Variants in LCOR observed in about 807,000 individuals in gnomAD.
LCOR encodes the protein ligand dependent nuclear receptor corepressor.
LCOR carries 14 observed loss-of-function variants against 64.4 expected under a neutral mutation model. That is an observed-to-expected ratio of 0.22 (90% CI 0.14 to 0.34). The LOEUF (loss-of-function observed/expected upper bound fraction) is 0.34. Among genes scored for constraint, LCOR ranks in the 10% least tolerant of loss-of-function variants. The pLI is 1.00. For missense variants in LCOR, 1,686 were observed against 1,765.3 expected (o/e 0.96, Z 0.80); for synonymous variants, 643 against 642.5 (o/e 1.00, Z -0.01).
chr10:96,865,479 TAGG>T (rs1351392450), intron 2 of LCOR, among the ~76,000 whole-genome samples: 26 of 152,146 alleles, frequency 1.7e-4, no homozygotes, highest in Non-Finnish European at 1.8e-4. Context: ...CAAAATCAAA[TAGG>T]AGTGATTTTT....
intron 2 of LCOR, among the ~76,000 whole-genome samples, chr10:96,897,069 G>GAGAGAA (rs537024870): frequency 0.027 from 3,119 of 116,312 alleles, 115 homozygotes; most frequent in African/African-American, 0.11. Flanking sequence ...GAGAGAGAGA[G>GAGAGAA]AGAGAAAGAG....
chr10:96,930,144 T>C (rs946237397), intron 4 of LCOR, among the ~76,000 whole-genome samples: 2 of 152,224 alleles, frequency 1.3e-5, no homozygotes, highest in African/African-American at 4.8e-5. Context: ...CTAGACTTGG[T>C]CGACACAGGG....
intron 6 of LCOR, among the ~76,000 whole-genome samples, chr10:96,950,554 C>T (rs1336160778): frequency 1.3e-5 from 2 of 152,016 alleles, no homozygotes; most frequent in Non-Finnish European, 2.9e-5. Flanking sequence ...TGGAGGTTAA[C>T]ATAAAATGAT....
At chr10:96,887,275 T>TA in intron 2 of LCOR, among the ~76,000 whole-genome samples, 1 of 152,120 alleles carries the variant, frequency 6.6e-6, no homozygotes, top group Admixed American at 6.5e-5. Context: ...ACAGTGAAAA[T>TA]ATACTACTTT....
chr10:96,840,495 AAG>A (rs1164370047), intron 2 of LCOR, among the ~76,000 whole-genome samples: 1 of 152,222 alleles, frequency 6.6e-6, no homozygotes, highest in African/African-American at 2.4e-5. Flanking sequence ...GGTTTGCTAA[AAG>A]AAAAAAATGA....
At chr10:96,855,822 A>G (rs1488907707) in intron 2 of LCOR, among the ~76,000 whole-genome samples, 3 of 150,048 alleles carry the variant, frequency 2.0e-5, no homozygotes, top group African/African-American at 4.9e-5. Context: ...CCTCACCGCA[A>G]CCTCTGCCTT....
At chr10:96,980,233 C>T (rs776623707) in intron 7 of LCOR, among the ~76,000 whole-genome samples, 11 of 151,902 alleles carry the variant, frequency 7.2e-5, no homozygotes, top group Non-Finnish European at 1.2e-4. Flanking sequence ...CACCTCAATT[C>T]TTGTCAGTGT....
At chr10:96,861,124 G>T (rs1403384250) in intron 2 of LCOR, among the ~76,000 whole-genome samples, 2 of 152,152 alleles carry the variant, frequency 1.3e-5, no homozygotes, top group Non-Finnish European at 2.9e-5. Context: ...TAGAAAGTGG[G>T]TATCTTCTTG....
Position 96,957,123 on chromosome 10 carries a change from A to G in LCOR, c.332+4927A>G, listed in dbSNP as rs567524898. On this transcript the variant is annotated intron_variant, in intron 7 of 7. Coordinates refer to ENST00000421806, the MANE Select transcript of LCOR (RefSeq NM_001346516.2). ...TCAAGCTCATTGGAATTCCTTTTTT[A>G]ACTGATCCAAATACTAGTAGAAGGG... 5.0e-4 allele frequency: 492 copies of G among 985,150 alleles called. 3 individuals carry two copies. Among genetic ancestry groups the G allele is most frequent in the South Asian group, 4.7e-3 (100 of 21,284 alleles). The allele number at this position is 985,150 out of a possible 1,614,324, so 61.0% of individuals were successfully genotyped here. A position where few individuals can be genotyped will look rare whatever the true frequency, so the allele number is the denominator to read the frequency against.
chr10:96,920,794 G>GGGAGACAGGATGTTACA (rs1847066745), intron 4 of LCOR, among the ~76,000 whole-genome samples: 1 of 65,282 alleles, frequency 1.5e-5, no homozygotes, highest in African/African-American at 5.5e-5. Flanking sequence ...ACACACACGC[G>GGGAGACAGGATGTTACA]CGGTGGGGGG....
intron 7 of LCOR, chr10:96,963,593 A>G (rs1847914663): frequency 6.6e-6 from 1 of 152,210 alleles, no homozygotes; most frequent in Non-Finnish European, 1.5e-5. Flanking sequence ...TGTCAAAAAA[A>G]TTAGCAGAGG....
chr10:96,964,239 CCCTT>C (rs977487819), intron 7 of LCOR: 2 of 144,522 alleles, frequency 1.4e-5, no homozygotes, highest in African/African-American at 2.8e-5. Context: ...GTGGTCCCCC[CCCTT>C]TTTTTTTTTT....
chr10:96,856,892 A>G (rs557493766), intron 2 of LCOR, among the ~76,000 whole-genome samples: 21 of 151,950 alleles, frequency 1.4e-4, no homozygotes, highest in Non-Finnish European at 2.8e-4. Flanking sequence ...GGCCTTATGG[A>G]AATGGGGAAG....
chr10:96,976,659 T>C (rs1301321577), intron 7 of LCOR, among the ~76,000 whole-genome samples: 4 of 152,248 alleles, frequency 2.6e-5, no homozygotes, highest in African/African-American at 9.6e-5. Context: ...CTCACAATCA[T>C]GAAGGAAGTT....
chr10:96,868,137 G>A (rs1237562399), intron 2 of LCOR, among the ~76,000 whole-genome samples: 2 of 152,126 alleles, frequency 1.3e-5, no homozygotes, highest in Admixed American at 6.6e-5. Context: ...ACCCGCCTCG[G>A]CCTCCCAAAG....
chr10:96,920,756 A>ACG (rs1472757741), intron 4 of LCOR, among the ~76,000 whole-genome samples: 1 of 114,610 alleles, frequency 8.7e-6, no homozygotes, highest in Non-Finnish European at 1.7e-5. Context: ...ATGTATACAC[A>ACG]CACACACACA....
chr10:96,962,439 C>T (rs961478819), intron 7 of LCOR: 2 of 152,090 alleles, frequency 1.3e-5, no homozygotes, highest in East Asian at 3.9e-4. Flanking sequence ...CTTTTTACAC[C>T]AGAGGACTGA....
intron 4 of LCOR, among the ~76,000 whole-genome samples, chr10:96,916,587 CTATA>C (rs71976703): frequency 3.6e-5 from 5 of 138,242 alleles, no homozygotes; most frequent in East Asian, 2.3e-4. Context: ...TATTTAAAGG[CTATA>C]TATATATATA....
chr10:96,904,210 T>A (rs973340364), intron 2 of LCOR, among the ~76,000 whole-genome samples: 1 of 152,168 alleles, frequency 6.6e-6, no homozygotes, highest in East Asian at 1.9e-4. Flanking sequence ...AATATGTATT[T>A]GTTGAACAAT....
Sources: allele counts gnomAD v4.1 joint callset (sites outside exome capture counted in the v4.1 genomes callset), GRCh38; gene constraint gnomAD v4.1.1; transcripts MANE v1.5; gene names NCBI Gene and HGNC (gene_info 2026-07-23, HGNC 2026-07-21).